Variants in SPEF2 observed in about 807,000 individuals in gnomAD.
SPEF2 encodes sperm flagella and cilia-associated protein 2.
A neutral mutation model predicts 224.6 loss-of-function variants in SPEF2; 187 were observed. The ratio of observed to expected loss-of-function variants is 0.83; its 90% CI spans 0.74 to 0.94. The LOEUF is 0.94. Ranked by LOEUF, SPEF2 falls within the 40% of genes least tolerant of loss-of-function variation. The pLI is 0.00. For missense variants in SPEF2, 2,170 were observed against 2,135.6 expected (o/e 1.02, Z -0.32); for synonymous variants, 715 against 707.3 (o/e 1.01, Z -0.17).
At chr5:35,635,833 G>C (rs1247798198) in intron 2 of SPEF2, among the ~76,000 whole-genome samples, 2 of 152,138 alleles carry the variant, frequency 1.3e-5, no homozygotes, top group Non-Finnish European at 2.9e-5. Context: ...AGCACTGGCA[G>C]TGTGCTGCAC....
chr5:35,773,929 T>G lies in SPEF2; in HGVS notation c.3986T>G (p.Ile1329Arg). The G allele has an allele frequency of 6.2e-7, 1 of 1,613,236 alleles. No individual in the cohort carries two copies. The highest frequency in any genetic ancestry group is 1.3e-5 in the African/African-American group (1 of 74,974). Residue 1329 changes from isoleucine (I) to arginine (R), a missense_variant, in exon 28 of 37, where the codon ATA becomes AGA. Physicochemically the swap from Ile to Arg is moderately conservative, Grantham distance 97 (BLOSUM62 -3). Transcript: ENST00000356031. The part of the protein sequence containing the change: ...SPPMAEATPV[I>R]VTTEEIAEIK... ...CCTATGGCAGAAGCAACTCCTGTCA[T>G]AGTAACAACAGAGGAAATTGCTGAA...
At chr5:35,739,547 T>G (rs552663667) in intron 21 of SPEF2, among the ~76,000 whole-genome samples, 1 of 152,088 alleles carries the variant, frequency 6.6e-6, no homozygotes, top group East Asian at 1.9e-4. Context: ...ACCTGGCTAA[T>G]TTTTTGTATT....
intron 30 of SPEF2, among the ~76,000 whole-genome samples, chr5:35,786,258 G>T (rs1014098869): frequency 2.6e-5 from 4 of 152,206 alleles, no homozygotes; most frequent in Non-Finnish European, 5.9e-5. Flanking sequence ...GAAAATGCAG[G>T]CAGTAGCTGT....
chr5:35,759,485 G>C (rs2149745586), intron 24 of SPEF2, 83 bp from the exon 25 acceptor site: 1 of 1,193,710 alleles, frequency 8.4e-7, no homozygotes, highest in Non-Finnish European at 1.1e-6. Flanking sequence ...TTTCAAAATA[G>C]TGCTTTCAGA....
intron 20 of SPEF2, among the ~76,000 whole-genome samples, chr5:35,723,364 T>G (rs1744108761): frequency 6.6e-6 from 1 of 152,030 alleles, no homozygotes; most frequent in East Asian, 1.9e-4. Context: ...ATATAGATAC[T>G]CAGCCCCACC....
At chr5:35,704,519 G>A (rs1739349701) in intron 16 of SPEF2, 35 bp from the exon 17 acceptor site, 1 of 1,505,498 alleles carries the variant, frequency 6.6e-7, no homozygotes, top group African/African-American at 1.4e-5. Flanking sequence ...CTTTGGTTTT[G>A]AAAATTATCT....
In SPEF2 at chr5:35,797,317, G is replaced by GGT. The variant is rs3219619; in HGVS notation, c.4830+1566_4830+1567dup. ...TGTTATGGAACAAAGATGGCTGACG[G>GGT]GTGTGTGTGTGTGTGTGTGTGTGTG... On this transcript the variant is annotated intron_variant, in intron 33 of 36. Coordinates refer to ENST00000356031, the MANE Select transcript of SPEF2 (RefSeq NM_024867.4). Among the ~76,000 whole-genome samples the GGT allele has an allele frequency of 1.6e-3, 223 of 142,190 alleles. 2 individuals carry two copies. Among genetic ancestry groups the GGT allele is most frequent in the African/African-American group, 6.0e-3 (214 of 35,402 alleles). The allele number at this position is 142,190 out of a possible 152,430, so 93.3% of individuals were successfully genotyped here.
At chr5:35,635,447 CT>C (rs1228465915) in intron 2 of SPEF2, among the ~76,000 whole-genome samples, 2 of 152,042 alleles carry the variant, frequency 1.3e-5, no homozygotes, top group African/African-American at 4.8e-5. Context: ...AAATATCTTG[CT>C]TTTATTATTG....
intron 30 of SPEF2, chr5:35,790,276 C>G: frequency 1.6e-6 from 1 of 621,604 alleles, no homozygotes; most frequent in Non-Finnish European, 2.9e-6. Context: ...CCTAGGAAAG[C>G]TATCCATTTA....
At chr5:35,661,095 A>G (rs1333064666) in intron 8 of SPEF2, among the ~76,000 whole-genome samples, 1 of 151,926 alleles carries the variant, frequency 6.6e-6, no homozygotes, top group Non-Finnish European at 1.5e-5. Context: ...TAGGAGCTGA[A>G]TAAATCAATC....
intron 28 of SPEF2, 23 bp from the exon 29 acceptor site, chr5:35,776,233 AT>A: frequency 1.3e-6 from 2 of 1,596,016 alleles, no homozygotes; most frequent in Non-Finnish European, 1.7e-6. Context: ...ATGTTAAAAC[AT>A]TCTTATTTCT....
intron 23 of SPEF2, among the ~76,000 whole-genome samples, chr5:35,752,382 G>A (rs993030192): frequency 6.6e-6 from 1 of 152,080 alleles, no homozygotes; most frequent in Non-Finnish European, 1.5e-5. Flanking sequence ...TTGAACCCTT[G>A]GGCTCAAGCA....
At chr5:35,645,962 A>G (rs1580105023) in intron 4 of SPEF2, among the ~76,000 whole-genome samples, 1 of 152,196 alleles carries the variant, frequency 6.6e-6, no homozygotes, top group Admixed American at 6.5e-5. Flanking sequence ...TATTAGTTCT[A>G]ATATAATGTA....
At chr5:35,789,773 G>A in intron 30 of SPEF2, 2 of 701,780 alleles carry the variant, frequency 2.8e-6, no homozygotes, top group Non-Finnish European at 5.2e-6. Context: ...TTTTATATAT[G>A]TGACTATTTT....
At chr5:35,788,069 G>A in intron 30 of SPEF2, 1 of 702,998 alleles carries the variant, frequency 1.4e-6, no homozygotes, top group Non-Finnish European at 2.6e-6. Context: ...GGGAAGTCAA[G>A]TGAATTTTTT....
intron 7 of SPEF2, among the ~76,000 whole-genome samples, chr5:35,657,490 G>A (rs1026516888): frequency 2.7e-5 from 4 of 149,148 alleles, no homozygotes; most frequent in Admixed American, 1.3e-4. Context: ...GAATGGAATC[G>A]GGGGGGTGGT....
chr5:35,702,752 TA>T (rs1738904712), intron 16 of SPEF2, among the ~76,000 whole-genome samples: 2 of 152,212 alleles, frequency 1.3e-5, no homozygotes, highest in South Asian at 4.1e-4. Context: ...CTCTACCATT[TA>T]TGAACTGTGC....
At chr5:35,643,618 A>C (rs1475952205) in intron 3 of SPEF2, 1 of 452,022 alleles carries the variant, frequency 2.2e-6, no homozygotes, top group South Asian at 1.6e-5. Flanking sequence ...ATATGCAATC[A>C]ATGGTTCATG....
chr5:35,715,507 A>G (rs1161797573), intron 20 of SPEF2, among the ~76,000 whole-genome samples: 1 of 152,070 alleles, frequency 6.6e-6, no homozygotes, highest in Non-Finnish European at 1.5e-5. Flanking sequence ...TGGCCCCTAT[A>G]TGAAATCCTA....
Sources: allele counts gnomAD v4.1 joint callset (sites outside exome capture counted in the v4.1 genomes callset), GRCh38; gene constraint gnomAD v4.1.1; transcripts MANE v1.5; gene names NCBI Gene and HGNC (gene_info 2026-07-23, HGNC 2026-07-21).